The following MAGEE2 variants were observed in gnomAD, a reference collection of about 807,000 sequenced individuals.
MAGEE2 encodes the protein melanoma-associated antigen E2.
For missense variants in MAGEE2, 508 were observed against 391.1 expected (o/e 1.30, Z -2.52); for synonymous variants, 189 against 155.4 (o/e 1.22, Z -1.61).
Position 75,785,072 on chromosome X carries a change from G to A in MAGEE2, c.-21C>T. The A allele has an allele frequency of 8.9e-7, 1 of 1,118,539 alleles. No individual in the cohort carries two copies. The highest frequency in any genetic ancestry group is 1.2e-6 in the Non-Finnish European group (1 of 850,264). The allele number at this position is 1,118,539 out of a possible 1,213,427, so 92.2% of individuals were successfully genotyped here. A position where few individuals can be genotyped will look rare whatever the true frequency, so the allele number is the denominator to read the frequency against. On this transcript the variant is annotated 5_prime_UTR_variant, in exon 1 of 1. Coordinates refer to ENST00000373359, the MANE Select transcript of MAGEE2 (RefSeq NM_138703.5). ...GACATGGTTCCAGGAGACAGGAGCGGGAACGGTGAGATCAGCGATCAGTCG... is the reference window on the plus strand; with the variant it reads ...GACATGGTTCCAGGAGACAGGAGCGAGAACGGTGAGATCAGCGATCAGTCG...
chrX:75,785,146 G>C lies in MAGEE2; in HGVS notation c.-95C>G, dbSNP rs1051733169. 2.1e-6 allele frequency: 2 copies of C among 935,647 alleles called. No homozygotes were observed. The highest frequency in any genetic ancestry group is 3.3e-5 in the East Asian group (1 of 30,683). 77.1% of individuals were successfully genotyped at this position (935,647 alleles called of 1,213,427 possible). On this transcript the variant is annotated 5_prime_UTR_variant, in exon 1 of 1. Transcript: ENST00000373359. ...GTGCCTCGGCACAAAGCTGAAGCCC[G>C]AGACCCTGGAGCTGGAAGGATCAAA...
Position 75,783,398 on chromosome X carries a change from T to C in MAGEE2, c.*82A>G, listed in dbSNP as rs1306004047. The stretch of plus-strand genomic sequence containing the variant: ...TCCCACACAAGCCCTACCTGGATTC[T>C]AATTTAGAGCCCCAATGCCTATTTT... On this transcript the variant is annotated 3_prime_UTR_variant, in exon 1 of 1. Coordinates refer to ENST00000373359, the MANE Select transcript of MAGEE2 (RefSeq NM_138703.5). The C allele has an allele frequency of 1.9e-5, 20 of 1,075,812 alleles. No individual in the cohort carries two copies. In the African/African-American group the frequency reaches 3.2e-4, roughly 17 times the overall value. 88.7% of individuals were successfully genotyped at this position (1,075,812 alleles called of 1,213,427 possible). A position where few individuals can be genotyped will look rare whatever the true frequency, so the allele number is the denominator to read the frequency against.
chrX:75,783,613 A>T lies in MAGEE2; in HGVS notation c.1439T>A (p.Val480Asp). Residue 480 changes from valine (V) to aspartate (D), a missense_variant, in exon 1 of 1, where the codon GTC (valine) becomes GAC (aspartate). Physicochemically the swap from Val to Asp is radical, Grantham distance 152 (BLOSUM62 -3). Transcript: ENST00000373359. ...RAHHETIKMK[V>D]LEYMARLYRK... Reference sequence around the variant, plus strand: ...GTAGAGCCTGGCCATGTACTCCAAGACTTTCATTTTGATGGTTTCATGGTG... The same window carrying T: ...GTAGAGCCTGGCCATGTACTCCAAGTCTTTCATTTTGATGGTTTCATGGTG... 8.3e-7 allele frequency: 1 copy of T among 1,211,325 alleles called. No individual in the cohort carries two copies.
rs2147516325 is a variant in MAGEE2 at position 75,785,138 on chromosome X, T to A, written c.-87A>T. The A allele has an allele frequency of 2.0e-6, 2 of 982,573 alleles. No individual in the cohort carries two copies. The highest frequency in any genetic ancestry group is 3.9e-5 in the South Asian group (1 of 25,405). 81.0% of individuals were successfully genotyped at this position (982,573 alleles called of 1,213,427 possible). On this transcript the variant is annotated 5_prime_UTR_variant, in exon 1 of 1. Transcript: ENST00000373359. ...CAGTGTTGGTGCCTCGGCACAAAGC[T>A]GAAGCCCGAGACCCTGGAGCTGGAA...
At position 75,783,405 on chromosome X, in the gene MAGEE2, G is replaced by C; in HGVS notation, c.*75C>G. 2 of 1,082,891 alleles carry C rather than the reference G, an allele frequency of 1.8e-6. No homozygotes were observed. Among genetic ancestry groups the C allele is most frequent in the Non-Finnish European group, 2.5e-6 (2 of 815,257 alleles). The allele number at this position is 1,082,891 out of a possible 1,213,427, so 89.2% of individuals were successfully genotyped here. A position where few individuals can be genotyped will look rare whatever the true frequency, so the allele number is the denominator to read the frequency against. ...CAAGCCCTACCTGGATTCTAATTTA[G>C]AGCCCCAATGCCTATTTTACCAAGG... On this transcript the variant is annotated 3_prime_UTR_variant, in exon 1 of 1. Coordinates refer to ENST00000373359, the MANE Select transcript of MAGEE2 (RefSeq NM_138703.5).
In MAGEE2 at chrX:75,784,864, T is replaced by A. The variant is rs2087878224; in HGVS notation, c.188A>T (p.Gln63Leu). ...SQCVNTSQAV[Q>L]DPNDLEVLID... is the part of the protein sequence containing the mutation. ...CAGGACCTCCAGGTCATTCGGGTCC[T>A]GAACGGCCTGGGAAGTGTTGACACA... The change falls in exon 1 of 1, where the codon CAG becomes CTG. Residue 63 changes from glutamine to leucine, a missense_variant. Transcript: ENST00000373359. 1 of 1,206,555 alleles carries A rather than the reference T, an allele frequency of 8.3e-7. No individual in the cohort carries two copies. The highest frequency in any genetic ancestry group is 2.2e-5 in the Admixed American group (1 of 45,586).
In MAGEE2 at chrX:75,783,537, A is replaced by T. The variant is rs1200526026; in HGVS notation, c.1515T>A (p.Asp505Glu). The T allele has an allele frequency of 8.3e-7, 1 of 1,210,555 alleles. No homozygotes were observed. Among genetic ancestry groups the T allele is most frequent in the Admixed American group, 2.2e-5 (1 of 45,890 alleles). ...CCTCAGATTTGGCTCTGGCCTCCTCATCTTCCACAGCCTCCCTATATTGTT... is the reference window on the plus strand; with the variant it reads ...CCTCAGATTTGGCTCTGGCCTCCTCTTCTTCCACAGCCTCCCTATATTGTT... ...WPEQYREAVEDEEARAKSEAT... is the reference protein window; with the variant it reads ...WPEQYREAVEEEEARAKSEAT... The change falls in exon 1 of 1, where the codon GAT becomes GAA. Residue 505 changes from aspartate (D) to glutamate (E), a missense_variant. Physicochemically the swap from Asp to Glu is conservative, Grantham distance 45 (BLOSUM62 2). Transcript: ENST00000373359.
In MAGEE2 at chrX:75,783,884, G is replaced by T; in HGVS notation, c.1168C>A (p.Gln390Lys). 1 of 1,211,806 alleles carries T rather than the reference G, an allele frequency of 8.3e-7. No individual in the cohort carries two copies. The highest frequency in any genetic ancestry group is 1.8e-5 in the South Asian group (1 of 56,986). Residue 390 changes from glutamine (Q) to lysine (K), a missense_variant, in exon 1 of 1, where the codon CAA becomes AAA. Transcript: ENST00000373359. ...LVQQPESEEE[Q>K]VMLESLGRPT... is the part of the protein sequence containing the mutation. The stretch of plus-strand genomic sequence containing the variant: ...CTCCCCAGGCTCTCTAGCATCACTT[G>T]CTCTTCCTCTGATTCTGGTTGCTGG...
At position 75,783,423 on chromosome X, in the gene MAGEE2, T is replaced by C; in HGVS notation, c.*57A>G. ...TAATTTAGAGCCCCAATGCCTATTTTACCAAGGCATCTTTAACTTATGCCA... is the reference window on the plus strand; with the variant it reads ...TAATTTAGAGCCCCAATGCCTATTTCACCAAGGCATCTTTAACTTATGCCA... On this transcript the variant is annotated 3_prime_UTR_variant, in exon 1 of 1. Transcript: ENST00000373359. 1 of 1,134,156 alleles carries C rather than the reference T, an allele frequency of 8.8e-7. No individual in the cohort carries two copies. Among genetic ancestry groups the C allele is most frequent in the Non-Finnish European group, 1.2e-6 (1 of 853,519 alleles). 93.5% of individuals were successfully genotyped at this position (1,134,156 alleles called of 1,213,427 possible).
chrX:75,784,081 C>G lies in MAGEE2; in HGVS notation c.971G>C (p.Ser324Thr). 17 of 1,210,798 alleles carry G rather than the reference C, an allele frequency of 1.4e-5. No homozygotes were observed. Among genetic ancestry groups the G allele is most frequent in the Non-Finnish European group, 1.8e-5 (16 of 895,638 alleles). Residue 324 changes from serine to threonine, a missense_variant, in exon 1 of 1, where the codon AGT becomes ACT. Physicochemically the swap from Ser to Thr is moderately conservative, Grantham distance 58. Transcript: ENST00000373359. ...TATAGGCAGCATCTCCTCAGTGACACTAATAGCCAACTGGACCAAATCATT... is the reference window on the plus strand; with the variant it reads ...TATAGGCAGCATCTCCTCAGTGACAGTAATAGCCAACTGGACCAAATCATT... Reference protein sequence around the residue: ...KANDLVQLAISVTEEMLPIHQ... With the variant: ...KANDLVQLAITVTEEMLPIHQ...
chrX:75,784,711 ATC>A lies in MAGEE2; in HGVS notation c.339_340del (p.Glu113AspfsTer14), dbSNP rs1483878639. The A allele has an allele frequency of 8.3e-7, 1 of 1,211,565 alleles. No homozygotes were observed. ...TGAGTACTCTCTGAGAAACTCCAGC[ATC>A]TCGGACTGCTGGATAGACCCCTCCG... On this transcript the variant is annotated frameshift_variant, in exon 1 of 1. Transcript: ENST00000373359. LOFTEE classifies it low-confidence loss of function (END_TRUNC).
Position 75,784,440 on chromosome X carries a change from TAGC to T in MAGEE2, c.609_611del (p.Leu204del), listed in dbSNP as rs759646630. ...GAGGCTTATCCCACATATCAACTTTTAGCAGCAAGTCCCAAATGGAGGCCTCTC... is the reference window on the plus strand; with the variant it reads ...GAGGCTTATCCCACATATCAACTTTTAGCAAGTCCCAAATGGAGGCCTCTC... On this transcript the variant is annotated inframe_deletion, in exon 1 of 1. Coordinates refer to ENST00000373359, the MANE Select transcript of MAGEE2 (RefSeq NM_138703.5). 1 of 1,211,895 alleles carries T rather than the reference TAGC, an allele frequency of 8.3e-7. No homozygotes were observed. The highest frequency in any genetic ancestry group is 1.1e-6 in the Non-Finnish European group (1 of 895,548).
chrX:75,783,507 A>G lies in MAGEE2; in HGVS notation c.1545T>C (p.Thr515=), dbSNP rs746806816. 1.7e-6 allele frequency: 2 copies of G among 1,207,990 alleles called. No individual in the cohort carries two copies. The highest frequency in any genetic ancestry group is 1.8e-5 in the South Asian group (1 of 56,703). ...DEEARAKSEA[T]IMFFLDPT The stretch of plus-strand genomic sequence containing the variant: ...ACGTGGGGTCAAGGAAAAACATGAT[A>G]GTTGCCTCAGATTTGGCTCTGGCCT... Residue 515 remains threonine (T), a synonymous_variant, in exon 1 of 1, where the codon ACT becomes ACC. Transcript: ENST00000373359.
In MAGEE2 at chrX:75,784,584, T is replaced by G; in HGVS notation, c.468A>C (p.Leu156Phe). 1 of 1,210,239 alleles carries G rather than the reference T, an allele frequency of 8.3e-7. No homozygotes were observed. The change falls in exon 1 of 1, where the codon TTA becomes TTC. Residue 156 changes from leucine to phenylalanine, a missense_variant. By Grantham distance (22) the Leu-to-Phe change is conservative. Transcript: ENST00000373359. ...VIDPQADTYN[L>F]VSKRGFQITD... ...TGATCTGGAAACCCCGTTTGCTGACTAAATTGTAGGTGTCAGCCTGAGGAT... is the reference window on the plus strand; with the variant it reads ...TGATCTGGAAACCCCGTTTGCTGACGAAATTGTAGGTGTCAGCCTGAGGAT...
In MAGEE2 at chrX:75,783,363, A is replaced by C; in HGVS notation, c.*117T>G. The C allele has an allele frequency of 1.2e-6, 1 of 858,062 alleles. No homozygotes were observed. Among genetic ancestry groups the C allele is most frequent in the Non-Finnish European group, 1.6e-6 (1 of 626,084 alleles). The allele number at this position is 858,062 out of a possible 1,213,427, so 70.7% of individuals were successfully genotyped here. A position where few individuals can be genotyped will look rare whatever the true frequency, so the allele number is the denominator to read the frequency against. Reference sequence around the variant, plus strand: ...GAATTGGAACACAGACAGCAAGCACAATTTGTACTTCCCACACAAGCCCTA... The same window carrying C: ...GAATTGGAACACAGACAGCAAGCACCATTTGTACTTCCCACACAAGCCCTA... On this transcript the variant is annotated 3_prime_UTR_variant, in exon 1 of 1. Coordinates refer to ENST00000373359, the MANE Select transcript of MAGEE2 (RefSeq NM_138703.5).
rs368595966 is a variant in MAGEE2 at position 75,784,352 on chromosome X, G to A, written c.700C>T (p.Arg234Ter). ...TACACCGGCCAGTACTCCAAGAATC[G>A]CATGCACACAAAGTCAGTAGTGAGG... is the stretch of plus-strand genomic sequence containing the variant. Reference protein sequence around the residue: ...NLLTTDFVCMRFLEYWPVYGT... With the variant: ...NLLTTDFVCM The change falls in exon 1 of 1, where the codon CGA (arginine) becomes TGA (stop). Residue 234 changes from arginine (R) to a stop codon, truncating the protein, a stop_gained. Transcript: ENST00000373359. LOFTEE classifies it low-confidence loss of function (END_TRUNC). The A allele has an allele frequency of 6.0e-5, 73 of 1,209,740 alleles. No individual in the cohort carries two copies. Among genetic ancestry groups the A allele is most frequent in the African/African-American group, 5.3e-4 (30 of 57,033 alleles).
rs751389366 is a variant in MAGEE2, at chrX:75,784,812, C to G, written c.240G>C (p.Gly80=). Residue 80 remains glycine (G), a synonymous_variant, in exon 1 of 1, where the codon GGG becomes GGC. Transcript: ENST00000373359. Reference sequence around the variant, plus strand: ...CTAGAGGGTCATGGACCCTGAGCGCCCCCAAACGTCTGGACTGCTCGTCGA... The same window carrying G: ...CTAGAGGGTCATGGACCCTGAGCGCGCCCAAACGTCTGGACTGCTCGTCGA... The part of the protein sequence containing the change: ...VLIDEQSRRL[G]ALRVHDPLED... 5.6e-5 allele frequency: 68 copies of G among 1,209,731 alleles called. No individual in the cohort carries two copies. The Admixed American group carries it at 1.5e-3, about 26-fold the overall frequency.
rs776046588 is a variant in MAGEE2 at position 75,784,729 on chromosome X, G to A, written c.323C>T (p.Ser108Phe). Reference sequence around the variant, plus strand: ...CTCCAGCATCTCGGACTGCTGGATAGACCCCTCCGTCTGGCTTTTCATTCT... The same window carrying A: ...CTCCAGCATCTCGGACTGCTGGATAAACCCCTCCGTCTGGCTTTTCATTCT... ...FMRMKSQTEG[S>F]IQQSEMLEFL... Residue 108 changes from serine to phenylalanine, a missense_variant, in exon 1 of 1, where the codon TCT becomes TTT. Transcript: ENST00000373359. 42 of 1,209,525 alleles carry A rather than the reference G, an allele frequency of 3.5e-5. No homozygotes were observed. In the South Asian group the frequency reaches 7.0e-4, roughly 20 times the overall value.
In MAGEE2 at chrX:75,783,727, C is replaced by T. The variant is rs147432059; in HGVS notation, c.1325G>A (p.Arg442His). The T allele has an allele frequency of 1.1e-3, 1,308 of 1,210,139 alleles. 9 individuals are homozygous for T. In the South Asian group the frequency reaches 0.019, roughly 17 times the overall value. ...CAGATAGCGCTGTCTCATAAGCTTACGGGTGATGGAATGCTTTCTCCCTAC... is the reference window on the plus strand; with the variant it reads ...CAGATAGCGCTGTCTCATAAGCTTATGGGTGATGGAATGCTTTCTCCCTAC... ...VDVGRKHSIT[R>H]KLMRQRYLEC... The change falls in exon 1 of 1, where the codon CGT (arginine) becomes CAT (histidine). Residue 442 changes from arginine (R) to histidine (H), a missense_variant. Physicochemically the swap from Arg to His is conservative, Grantham distance 29. Transcript: ENST00000373359.
Sources: allele counts gnomAD v4.1 joint callset, GRCh38; gene constraint gnomAD v4.1.1; transcripts MANE v1.5; gene names NCBI Gene and HGNC (gene_info 2026-07-23, HGNC 2026-07-21).